Variants in BHLHE41 observed in about 807,000 individuals in gnomAD.
BHLHE41 encodes the protein class E basic helix-loop-helix protein 41.
BHLHE41 carries 14 observed loss-of-function variants against 24.0 expected under a neutral mutation model. The observed-to-expected ratio is 0.58, with a 90% CI of 0.39 to 0.91. The LOEUF (loss-of-function observed/expected upper bound fraction) is 0.91. Ranked by LOEUF, BHLHE41 falls within the 40% of genes least tolerant of loss-of-function variation. The pLI is 0.00. For missense variants in BHLHE41, 674 were observed against 655.4 expected (o/e 1.03, Z -0.31); for synonymous variants, 394 against 315.5 (o/e 1.25, Z -2.64).
At position 26,122,662 on chromosome 12, in the gene BHLHE41, G is replaced by A. The variant is rs1356822492; in HGVS notation, c.853C>T (p.Arg285Cys). Residue 285 changes from arginine (R) to cysteine (C), a missense_variant, in exon 5 of 5, where the codon CGC (arginine) becomes TGC (cysteine). This residue lies in a region of BHLHE41 where 602 missense variants were observed against 570.8 expected (regional missense o/e 1.05). Transcript: ENST00000242728. ...GGGCCGCCGCCGCTGCCGCCGCCGC[G>A]GGAATCCAGCTTCATCCTCTTGGGC... ...PAPKRMKLDS[R>C]GGGSGGGPGG... The A allele has an allele frequency of 7.1e-7, 1 of 1,404,392 alleles. No homozygotes were observed. Among genetic ancestry groups the A allele is most frequent in the Non-Finnish European group, 9.3e-7 (1 of 1,075,024 alleles). 87.0% of individuals were successfully genotyped at this position (1,404,392 alleles called of 1,614,324 possible).
In BHLHE41 at chr12:26,122,653, C is replaced by A; in HGVS notation, c.862G>T (p.Gly288Cys). 7.3e-7 allele frequency: 1 copy of A among 1,366,952 alleles called. No homozygotes were observed. The highest frequency in any genetic ancestry group is 9.5e-7 in the Non-Finnish European group (1 of 1,056,854). 84.7% of individuals were successfully genotyped at this position (1,366,952 alleles called of 1,614,324 possible). Residue 288 changes from glycine to cysteine, a missense_variant, in exon 5 of 5, where the codon GGC (glycine) becomes TGC (cysteine). Gly to Cys is a radical substitution (Grantham distance 159). This residue lies in a region of BHLHE41 where 602 missense variants were observed against 570.8 expected (regional missense o/e 1.05). Transcript: ENST00000242728. Reference protein sequence around the residue: ...KRMKLDSRGGGSGGGPGGGAA... With the variant: ...KRMKLDSRGGCSGGGPGGGAA... ...CCGCCCCCCGGGCCGCCGCCGCTGC[C>A]GCCGCCGCGGGAATCCAGCTTCATC...
At chr12:26,123,550 G>A in intron 4 of BHLHE41, 80 bp downstream of exon 4, 1 of 955,188 alleles carries the variant, frequency 1.0e-6, no homozygotes, top group Non-Finnish European at 1.7e-6. Flanking sequence ...GATGGGGTGC[G>A]GGTGAGGGAG....
At position 26,120,536 on chromosome 12, in the gene BHLHE41, C is replaced by T. The variant is rs1180308870; in HGVS notation, c.*1530G>A. ...AAATCCTCCCCAAAAGATATTTTAA[C>T]TCAAAATATCATTAGCACATATTTT... On this transcript the variant is annotated 3_prime_UTR_variant, in exon 5 of 5. Coordinates refer to ENST00000242728, the MANE Select transcript of BHLHE41 (RefSeq NM_030762.3). The T allele has an allele frequency of 6.6e-6, 1 of 152,636 alleles. No homozygotes were observed. The highest frequency in any genetic ancestry group is 1.5e-5 in the Non-Finnish European group (1 of 68,036). 9.5% of individuals were successfully genotyped at this position (152,636 alleles called of 1,614,324 possible). A position where few individuals can be genotyped will look rare whatever the true frequency, so the allele number is the denominator to read the frequency against.
chr12:26,124,933 T>A lies in BHLHE41; in HGVS notation c.-154A>T. ...GTGCAGTGTTGAAAGTGTGAAGCAG[T>A]TGGTCCCCCCCCTCCACCGCGCTCG... On this transcript the variant is annotated 5_prime_UTR_variant, in exon 1 of 5. Coordinates refer to ENST00000242728, the MANE Select transcript of BHLHE41 (RefSeq NM_030762.3). 1.3e-6 allele frequency: 1 copy of A among 793,308 alleles called. No homozygotes were observed. The allele number at this position is 793,308 out of a possible 1,614,324, so 49.1% of individuals were successfully genotyped here. A position where few individuals can be genotyped will look rare whatever the true frequency, so the allele number is the denominator to read the frequency against.
At chr12:26,123,296 A>G in intron 4 of BHLHE41, 128 bp from the exon 5 acceptor site, 3 of 1,271,242 alleles carry the variant, frequency 2.4e-6, no homozygotes, top group Admixed American at 2.8e-5. Context: ...TTTCCCCAGT[A>G]TTCAAGTGAT....
At chr12:26,123,570 T>A in intron 4 of BHLHE41, 60 bp downstream of exon 4, 7 of 1,184,532 alleles carry the variant, frequency 5.9e-6, no homozygotes, top group Non-Finnish European at 8.9e-6. Flanking sequence ...GTCCTGACAC[T>A]GCTCCCCTGT....
Position 26,123,135 on chromosome 12 carries a change from T to C in BHLHE41, c.380A>G (p.Asp127Gly). The C allele has an allele frequency of 1.2e-6, 2 of 1,605,738 alleles. No homozygotes were observed. Among genetic ancestry groups the C allele is most frequent in the Non-Finnish European group, 1.7e-6 (2 of 1,174,552 alleles). Residue 127 changes from aspartate to glycine, a missense_variant, in exon 5 of 5, where the codon GAC becomes GGC. Asp to Gly is a moderately conservative substitution (Grantham distance 94). Transcript: ENST00000242728. ...ERSLKSPIQS[D>G]LDAFHSGFQT... ...AAATCCCGAGTGGAACGCATCCAAG[T>C]CGGACTGAATGGGCGATTTCAGAGA...
In BHLHE41 at chr12:26,124,213, A is replaced by T. The variant is rs538519595; in HGVS notation, c.127-34T>A. 5 of 1,399,622 alleles carry T rather than the reference A, an allele frequency of 3.6e-6. No individual in the cohort carries two copies. The South Asian group carries it at 4.6e-5, about 13-fold the overall frequency. The allele number at this position is 1,399,622 out of a possible 1,614,324, so 86.7% of individuals were successfully genotyped here. A position where few individuals can be genotyped will look rare whatever the true frequency, so the allele number is the denominator to read the frequency against. ...ATGAGAGTCATGGAAAAGAGAAAAC[A>T]GTAAGCGAAACATTCACTTATTGGA... On this transcript the variant is annotated intron_variant, in intron 2 of 4. Transcript: ENST00000242728.
In BHLHE41 at chr12:26,123,673, G is replaced by C; in HGVS notation, c.303C>G (p.Ala101=). 3.1e-6 allele frequency: 5 copies of C among 1,614,086 alleles called. No individual in the cohort carries two copies. In the African/African-American group the frequency reaches 6.7e-5, roughly 22 times the overall value. ...TCTTCTGATGCTGTTGCTCGGTTAA[G>C]GCGGTTAAAGCTTTTAAGTGTTTCA... ...LTLKHLKALT[A]LTEQQHQKII... The change falls in exon 4 of 5, where the codon GCC becomes GCG. Residue 101 remains alanine (A), a synonymous_variant. Coordinates refer to ENST00000242728, the MANE Select transcript of BHLHE41 (RefSeq NM_030762.3).
chr12:26,122,612 T>TGCCGCCGCC lies in BHLHE41; in HGVS notation c.894_902dup (p.Ala301_Ala303dup). 8.8e-7 allele frequency: 1 copy of TGCCGCCGCC among 1,130,288 alleles called. No individual in the cohort carries two copies. 70.0% of individuals were successfully genotyped at this position (1,130,288 alleles called of 1,614,324 possible). A position where few individuals can be genotyped will look rare whatever the true frequency, so the allele number is the denominator to read the frequency against. On this transcript the variant is annotated inframe_insertion, in exon 5 of 5. Coordinates refer to ENST00000242728, the MANE Select transcript of BHLHE41 (RefSeq NM_030762.3). ...CAGGGTCGGGCCCCAGAAGCGCGGC[T>TGCCGCCGCC]GCCGCCGCCGCCGCGCCGCCCCCCG...
chr12:26,124,368 C>T (rs374038416), intron 2 of BHLHE41, 151 bp downstream of exon 2: 23 of 893,916 alleles, frequency 2.6e-5, no homozygotes, highest in East Asian at 1.0e-4. Context: ...GTTTAATATC[C>T]CCCTGAGAGT....
chr12:26,122,102 C>A lies in BHLHE41; in HGVS notation c.1413G>T (p.Gln471His). 6.5e-7 allele frequency: 1 copy of A among 1,549,798 alleles called. No individual in the cohort carries two copies. The highest frequency in any genetic ancestry group is 8.7e-7 in the Non-Finnish European group (1 of 1,146,634). Residue 471 changes from glutamine to histidine, a missense_variant, in exon 5 of 5, where the codon CAG becomes CAT. Gln to His is a conservative substitution (Grantham distance 24). This residue lies in a region of BHLHE41 where 602 missense variants were observed against 570.8 expected (regional missense o/e 1.05). Transcript: ENST00000242728. ...REPGNPESSA[Q>H]EDPSQPGKEA... ...CCTTTCCTGGCTGCGAGGGATCTTC[C>A]TGAGCAGAGCTCTCCGGGTTCCCCG...
intron 4 of BHLHE41, 107 bp downstream of exon 4, chr12:26,123,523 A>T: frequency 2.4e-6 from 2 of 848,014 alleles, no homozygotes; most frequent in Non-Finnish European, 2.0e-6. Context: ...GAGGGAACCC[A>T]TGAGCCCACG....
At position 26,122,820 on chromosome 12, in the gene BHLHE41, G is replaced by T; in HGVS notation, c.695C>A (p.Ala232Asp). Reference sequence around the variant, plus strand: ...GCTGTCGGTGTCCGTGTCGTTCTCGGCGGCGAGCTCGGCGCTGGGCTGAGT... The same window carrying T: ...GCTGTCGGTGTCCGTGTCGTTCTCGTCGGCGAGCTCGGCGCTGGGCTGAGT... ...QRTQPSAELA[A>D]ENDTDTDSGY... is the part of the protein sequence containing the mutation. The change falls in exon 5 of 5, where the codon GCC becomes GAC. Residue 232 changes from alanine to aspartate, a missense_variant. Physicochemically the swap from Ala to Asp is moderately radical, Grantham distance 126. Around this residue, in one of 3 missense-constraint regions of BHLHE41, gnomAD observed 602 missense variants for 570.8 expected, o/e 1.05. Transcript: ENST00000242728. 1 of 1,588,854 alleles carries T rather than the reference G, an allele frequency of 6.3e-7. No individual in the cohort carries two copies. Among genetic ancestry groups the T allele is most frequent in the Middle Eastern group, 1.9e-4 (1 of 5,284 alleles).
rs760311483 is a variant in BHLHE41 at position 26,122,808 on chromosome 12, G to A, written c.707C>T (p.Thr236Met). The change falls in exon 5 of 5, where the codon ACG becomes ATG. Residue 236 changes from threonine to methionine, a missense_variant. Thr to Met is a moderately conservative substitution (Grantham distance 81, BLOSUM62 -1). Coordinates refer to ENST00000242728, the MANE Select transcript of BHLHE41 (RefSeq NM_030762.3). ...PSAELAAEND[T>M]DTDSGYGGEA... is the part of the protein sequence containing the mutation. ...GCCGCCGTAGCCGCTGTCGGTGTCC[G>A]TGTCGTTCTCGGCGGCGAGCTCGGC... 6.3e-7 allele frequency: 1 copy of A among 1,592,970 alleles called. No individual in the cohort carries two copies.
chr12:26,123,872 C>A, intron 3 of BHLHE41, 131 bp from the exon 4 acceptor site: 1 of 788,810 alleles, frequency 1.3e-6, no homozygotes, highest in Non-Finnish European at 2.2e-6. Flanking sequence ...ACTTCTTGAG[C>A]TTTCCACAAG....
At position 26,122,258 on chromosome 12, in the gene BHLHE41, C is replaced by G; in HGVS notation, c.1257G>C (p.Leu419Phe). The G allele has an allele frequency of 1.6e-6, 2 of 1,258,140 alleles. No homozygotes were observed. Among genetic ancestry groups the G allele is most frequent in the Non-Finnish European group, 2.0e-6 (2 of 1,004,780 alleles). 77.9% of individuals were successfully genotyped at this position (1,258,140 alleles called of 1,614,324 possible). ...AAAFPCLSSV[L>F]SPPPEKAGAA... ...CGCCCGCCTTCTCGGGAGGGGGCGA[C>G]AACACCGAGGACAGGCAGGGGAACG... Residue 419 changes from leucine (L) to phenylalanine (F), a missense_variant, in exon 5 of 5, where the codon TTG (leucine) becomes TTC (phenylalanine). Leu to Phe is a conservative substitution (Grantham distance 22). Around this residue, in one of 3 missense-constraint regions of BHLHE41, gnomAD observed 602 missense variants for 570.8 expected, o/e 1.05. Transcript: ENST00000242728.
At chr12:26,123,263 C>G in intron 4 of BHLHE41, 95 bp from the exon 5 acceptor site, 1 of 1,423,242 alleles carries the variant, frequency 7.0e-7, no homozygotes, top group Non-Finnish European at 9.3e-7. Context: ...GTGGGCCCTG[C>G]ATCGACTAAA....
chr12:26,122,684 G>A lies in BHLHE41; in HGVS notation c.831C>T (p.Pro277=). Residue 277 remains proline (P), a synonymous_variant, in exon 5 of 5, where the codon CCC becomes CCT. Transcript: ENST00000242728. ...QEPPGEDSPA[P]KRMKLDSRGG... The stretch of plus-strand genomic sequence containing the variant: ...CGCGGGAATCCAGCTTCATCCTCTT[G>A]GGCGCCGGCGAGTCCTCCCCGGGAG... 1 of 1,552,682 alleles carries A rather than the reference G, an allele frequency of 6.4e-7. No homozygotes were observed.
Sources: gnomAD v4.1 joint callset for allele counts on GRCh38, gnomAD v4.1.1 for gene constraint, gnomAD v4.1.1 regional missense constraint, MANE v1.5 for transcripts, NCBI Gene and HGNC (gene_info 2026-07-23, HGNC 2026-07-21) for gene names.